PPIP5K2: variants seen among roughly 807,000 people sequenced by gnomAD.
PPIP5K2 encodes inositol hexakisphosphate and diphosphoinositol-pentakisphosphate kinase 2.
Under a neutral mutation model 154.6 loss-of-function variants are expected in PPIP5K2, and 105 were observed. That is an observed-to-expected ratio of 0.68 (90% CI 0.58 to 0.80). The LOEUF is 0.80. Among genes scored for constraint, PPIP5K2 ranks in the 30% least tolerant of loss-of-function variants. The pLI is 0.00. For synonymous variants in PPIP5K2, 480 were observed against 490.3 expected, an observed-to-expected ratio of 0.98 and a Z score of 0.28; for missense variants, 992 against 1,504.6, an observed-to-expected ratio of 0.66 and a Z score of 5.64.
rs960309172 is a variant in PPIP5K2, at chr5:103,208,950, T to A, written c.*7316T>A. 1 of 152,182 alleles carries A rather than the reference T, an allele frequency of 6.6e-6. No individual in the cohort carries two copies. Among genetic ancestry groups the A allele is most frequent in the Admixed American group, 6.5e-5 (1 of 15,280 alleles). 9.4% of individuals were successfully genotyped at this position (152,182 alleles called of 1,614,324 possible). A position where few individuals can be genotyped will look rare whatever the true frequency, so the allele number is the denominator to read the frequency against. Reference sequence around the variant, plus strand: ...CCTTCATTTTCAAACTGGATATCATTTCTTTTGTGGTTAATATTCTTTGAC... The same window carrying A: ...CCTTCATTTTCAAACTGGATATCATATCTTTTGTGGTTAATATTCTTTGAC... On this transcript the variant is annotated 3_prime_UTR_variant, in exon 31 of 31. Coordinates refer to ENST00000358359, the MANE Select transcript of PPIP5K2 (RefSeq NM_001276277.3).
chr5:103,181,163 T>C (rs890107669), intron 24 of PPIP5K2, among the ~76,000 whole-genome samples: 1 of 152,108 alleles, frequency 6.6e-6, no homozygotes, highest in Admixed American at 6.5e-5. Flanking sequence ...ACATTTTTAA[T>C]ACTTTAAATA....
intron 17 of PPIP5K2, among the ~76,000 whole-genome samples, chr5:103,165,381 C>G (rs1554217479): frequency 2.0e-5 from 3 of 151,938 alleles, no homozygotes. Context: ...TGACTGGAAG[C>G]CTTAGCAATA....
intron 9 of PPIP5K2, among the ~76,000 whole-genome samples, chr5:103,152,008 G>C (rs1794710769): frequency 6.6e-6 from 1 of 151,938 alleles, no homozygotes; most frequent in African/African-American, 2.4e-5. Context: ...GATAATTGGA[G>C]CTAGCTTTTA....
chr5:103,156,874 T>A (rs1554213654), intron 14 of PPIP5K2, among the ~76,000 whole-genome samples: 1 of 152,180 alleles, frequency 6.6e-6, no homozygotes. Flanking sequence ...TAGCAAAAAT[T>A]AATGATTATC....
chr5:103,183,494 A>G (rs1424965805), intron 25 of PPIP5K2, 87 bp downstream of exon 25: 1 of 1,114,414 alleles, frequency 9.0e-7, no homozygotes, highest in Non-Finnish European at 1.3e-6. Flanking sequence ...AATCCCTTGT[A>G]TTTCACATCA....
rs782549769 is a variant in PPIP5K2, at chr5:103,158,561, T to A, written c.1725T>A (p.Ala575=). The change falls in exon 16 of 31, where the codon GCT becomes GCA. Residue 575 remains alanine, a synonymous_variant. Coordinates refer to ENST00000358359, the MANE Select transcript of PPIP5K2 (RefSeq NM_001276277.3). Reference sequence around the variant, plus strand: ...AAGGACGAGTCCAGATGACTGCAGCTGCTTTTGCAAAGGTATAAATAATTT... The same window carrying A: ...AAGGACGAGTCCAGATGACTGCAGCAGCTTTTGCAAAGGTATAAATAATTT... ...SDEGRVQMTA[A]AFAKGLLALE... 4.4e-6 allele frequency: 7 copies of A among 1,590,950 alleles called. No individual in the cohort carries two copies. Among genetic ancestry groups the A allele is most frequent in the Non-Finnish European group, 5.1e-6 (6 of 1,173,394 alleles).
chr5:103,154,522 G>T (rs1051810520), intron 11 of PPIP5K2, 148 bp from the exon 12 acceptor site: 9 of 538,004 alleles, frequency 1.7e-5, no homozygotes, highest in Admixed American at 3.6e-5. Context: ...GCAGCAACAT[G>T]TACAGTGAAA....
chr5:103,128,788 T>C (rs1790140733), intron 1 of PPIP5K2, among the ~76,000 whole-genome samples: 1 of 152,180 alleles, frequency 6.6e-6, no homozygotes, highest in South Asian at 2.1e-4. Context: ...TCTAATCTTT[T>C]TTTGTTCATT....
At chr5:103,136,669 TTAA>T (rs1791556108) in intron 3 of PPIP5K2, 60 bp from the exon 4 acceptor site, 1 of 1,306,352 alleles carries the variant, frequency 7.7e-7, no homozygotes, top group Non-Finnish European at 1.1e-6. Context: ...TCAATTCAAG[TTAA>T]TAAAGTATAG....
intron 29 of PPIP5K2, among the ~76,000 whole-genome samples, chr5:103,194,532 G>T (rs1408765989): frequency 2.0e-5 from 3 of 152,166 alleles, no homozygotes; most frequent in Non-Finnish European, 1.5e-5. Flanking sequence ...GAAACACCAC[G>T]CCTGGTGAGG....
At chr5:103,146,459 A>G in intron 5 of PPIP5K2, 68 bp from the exon 6 acceptor site, 4 of 1,459,472 alleles carry the variant, frequency 2.7e-6, no homozygotes, top group Non-Finnish European at 3.7e-6. Context: ...AGTCCTCGAT[A>G]ATAATGTGGT....
Position 103,120,320 on chromosome 5 carries a change from T to A in PPIP5K2, c.-453T>A. 2 of 426,794 alleles carry A rather than the reference T, an allele frequency of 4.7e-6. No individual in the cohort carries two copies. Among genetic ancestry groups the A allele is most frequent in the Non-Finnish European group, 9.6e-6 (2 of 208,000 alleles). 26.4% of individuals were successfully genotyped at this position (426,794 alleles called of 1,614,324 possible). On this transcript the variant is annotated 5_prime_UTR_variant, in exon 1 of 31. Transcript: ENST00000358359. ...TGAGGTGTAGTAGCCTGAGGTTCCC[T>A]TATGTGGCCCTATAGCTGTTACTGA...
chr5:103,152,942 C>G (rs769307335), intron 10 of PPIP5K2, among the ~76,000 whole-genome samples, 193 bp downstream of exon 10: 1 of 151,736 alleles, frequency 6.6e-6, no homozygotes, highest in Non-Finnish European at 1.5e-5. Flanking sequence ...ACTACTGAAA[C>G]ATGCCTGGAT....
chr5:103,141,225 C>T (rs1304068441), intron 5 of PPIP5K2, among the ~76,000 whole-genome samples: 3 of 152,116 alleles, frequency 2.0e-5, no homozygotes, highest in Non-Finnish European at 4.4e-5. Context: ...CGCAGACCCT[C>T]GCGGTGAGTG....
chr5:103,154,880 A>G lies in PPIP5K2; in HGVS notation c.1340A>G (p.Asn447Ser), dbSNP rs1554212594. Residue 447 changes from asparagine (N) to serine (S), a missense_variant, in exon 13 of 31, where the codon AAT becomes AGT. Physicochemically the swap from Asn to Ser is conservative, Grantham distance 46 (BLOSUM62 1). Coordinates refer to ENST00000358359, the MANE Select transcript of PPIP5K2 (RefSeq NM_001276277.3). ...ARQLLMELGQNNDSEIEENKP... is the reference protein window; with the variant it reads ...ARQLLMELGQSNDSEIEENKP... ...CAGCTTCTTATGGAGCTAGGGCAAA[A>G]TAATGATTCTGAAATTGAAGAAAAC... 3 of 1,606,096 alleles carry G rather than the reference A, an allele frequency of 1.9e-6. No homozygotes were observed. The highest frequency in any genetic ancestry group is 1.3e-5 in the African/African-American group (1 of 74,610).
In PPIP5K2 at chr5:103,151,493, A is replaced by C. The variant is rs539669854; in HGVS notation, c.1028+119A>C. On this transcript the variant is annotated intron_variant, in intron 9 of 30. Coordinates refer to ENST00000358359, the MANE Select transcript of PPIP5K2 (RefSeq NM_001276277.3). ...TTCTAGAGTAAAGATCAGTGTTCAT[A>C]AAATGATACCCCCAGAGACTATGCC... 1.1e-4 allele frequency: 86 copies of C among 775,840 alleles called. No individual in the cohort carries two copies. The East Asian group carries it at 2.2e-3, about 20-fold the overall frequency. The allele number at this position is 775,840 out of a possible 1,614,324, so 48.1% of individuals were successfully genotyped here. A position where few individuals can be genotyped will look rare whatever the true frequency, so the allele number is the denominator to read the frequency against.
intron 24 of PPIP5K2, among the ~76,000 whole-genome samples, chr5:103,182,280 T>C (rs1799663637): frequency 6.6e-6 from 1 of 152,170 alleles, no homozygotes; most frequent in African/African-American, 2.4e-5. Flanking sequence ...TTGCAACTCA[T>C]CTATATTTAT....
At chr5:103,121,892 G>T (rs546157205) in intron 1 of PPIP5K2, among the ~76,000 whole-genome samples, 4 of 152,318 alleles carry the variant, frequency 2.6e-5, no homozygotes, top group Admixed American at 6.5e-5. Context: ...GGAATATATA[G>T]ATTAGGTCCT....
chr5:103,199,160 T>G (rs1554229486), intron 30 of PPIP5K2, among the ~76,000 whole-genome samples: 2 of 152,174 alleles, frequency 1.3e-5, no homozygotes, highest in South Asian at 4.1e-4. Flanking sequence ...GATATTTGCT[T>G]TAAACAGTCA....
Sources: gnomAD v4.1 joint callset for allele counts (sites outside exome capture counted in the v4.1 genomes callset) on GRCh38, gnomAD v4.1.1 for gene constraint, MANE v1.5 for transcripts, NCBI Gene and HGNC (gene_info 2026-07-23, HGNC 2026-07-21) for gene names.